NCS1: variants seen among roughly 807,000 people sequenced by gnomAD.
The protein encoded by NCS1 is neuronal calcium sensor 1.
Under a neutral mutation model 28.4 loss-of-function variants are expected in NCS1, and 6 were observed. That is an observed-to-expected ratio of 0.21 (90% CI 0.12 to 0.42). The LOEUF is 0.42. Among genes scored for constraint, NCS1 ranks in the 10% least tolerant of loss-of-function variants. The probability of loss-of-function intolerance (pLI) is 1.00; values close to 1 mark genes in which losing one functional copy is unlikely to be tolerated. For synonymous variants in NCS1, 86 were observed against 99.3 expected, an observed-to-expected ratio of 0.87 and a Z score of 0.79; for missense variants, 131 against 241.4, an observed-to-expected ratio of 0.54 and a Z score of 3.03.
intron 1 of NCS1, among the ~76,000 whole-genome samples, chr9:130,190,159 C>T (rs1322418313): frequency 6.6e-6 from 1 of 151,158 alleles, no homozygotes; most frequent in African/African-American, 2.4e-5. Context: ...TCCAACTTAC[C>T]CACCTAAAAC....
intron 2 of NCS1, among the ~76,000 whole-genome samples, chr9:130,216,547 C>G (rs540564204): frequency 3.9e-5 from 6 of 152,262 alleles, no homozygotes; most frequent in African/African-American, 4.8e-5. Context: ...AAAACCCTGT[C>G]TCTACTAAAA....
At position 130,234,511 on chromosome 9, in the gene NCS1, C is replaced by T. The variant is rs1833551036; in HGVS notation, c.*1539C>T. 1 of 152,488 alleles carries T rather than the reference C, an allele frequency of 6.6e-6. No homozygotes were observed. Among genetic ancestry groups the T allele is most frequent in the Non-Finnish European group, 1.5e-5 (1 of 68,146 alleles). The allele number at this position is 152,488 out of a possible 1,614,324, so 9.4% of individuals were successfully genotyped here. ...TGCCCTCTCTGGGTCTCAGTTGCCC[C>T]ATCTGCAGAGCGAGGAGGCCCGGGC... On this transcript the variant is annotated 3_prime_UTR_variant, in exon 8 of 8. Transcript: ENST00000372398. This position sits in a 1 kb window ranked among gnomAD's most constrained non-coding sequence, Gnocchi z 6.1.
At chr9:130,223,838 A>G (rs1416337771) in intron 6 of NCS1, among the ~76,000 whole-genome samples, 2 of 152,020 alleles carry the variant, frequency 1.3e-5, no homozygotes, top group African/African-American at 4.8e-5. Flanking sequence ...CCCAAGGTTA[A>G]GAAACCCTTC....
chr9:130,235,886 C>T lies in NCS1; in HGVS notation c.*2914C>T, dbSNP rs1452436247. ...CGCCCATAGTCCCTCTGCAGAGCCT[C>T]GCACTGGGGCCAGGGCAGGCACCAG... On this transcript the variant is annotated 3_prime_UTR_variant, in exon 8 of 8. Transcript: ENST00000372398. 6.6e-6 allele frequency: 1 copy of T among 152,304 alleles called. No homozygotes were observed. The highest frequency in any genetic ancestry group is 1.5e-5 in the Non-Finnish European group (1 of 68,114). The allele number at this position is 152,304 out of a possible 1,614,324, so 9.4% of individuals were successfully genotyped here.
intron 7 of NCS1, among the ~76,000 whole-genome samples, chr9:130,229,829 T>C (rs186590126): frequency 1.3e-5 from 2 of 152,380 alleles, no homozygotes; most frequent in African/African-American, 4.8e-5. Flanking sequence ...AATGATTTAT[T>C]TGCCTCCTCA....
intron 1 of NCS1, among the ~76,000 whole-genome samples, chr9:130,196,315 C>T (rs782110053): frequency 3.3e-5 from 5 of 152,186 alleles, no homozygotes; most frequent in African/African-American, 4.8e-5. Context: ...GCAGGGATGC[C>T]TCTGTGTCCT....
rs773470903 is a variant in NCS1 at position 130,216,199 on chromosome 9, C to T, written c.90-1633C>T. Among the ~76,000 whole-genome samples, 87 of 152,298 alleles carry T rather than the reference C, an allele frequency of 5.7e-4. 1 individual carries two copies. Among genetic ancestry groups the T allele is most frequent in the Middle Eastern group, 3.4e-3 (1 of 294 alleles). ...ATCAGAGTGCCGCGCGCACCATGCG[C>T]GGTACTCCCATAACCCTCTCCGATG... On this transcript the variant is annotated intron_variant, in intron 2 of 7. Transcript: ENST00000372398.
intron 2 of NCS1, among the ~76,000 whole-genome samples, chr9:130,203,137 T>TATATATATA (rs1491343446): frequency 4.3e-4 from 14 of 32,570 alleles, no homozygotes; most frequent in African/African-American, 1.5e-3. Context: ...TATATATATA[T>TATATATATA]TTTTTTTTTT....
In NCS1 at chr9:130,185,332, A is replaced by G. The variant is rs181377512; in HGVS notation, c.64+12605A>G. Among the ~76,000 whole-genome samples the G allele has an allele frequency of 6.6e-3, 1,013 of 152,402 alleles. 7 individuals carry two copies. The highest frequency in any genetic ancestry group is 0.011 in the Non-Finnish European group (767 of 68,044). On this transcript the variant is annotated intron_variant, in intron 1 of 7. Coordinates refer to ENST00000372398, the MANE Select transcript of NCS1 (RefSeq NM_014286.4). ...TATTGTTGGAATGAATGAGAAAACA[A>G]GTACATAAACGAGCAAGCCAATGAA...
At chr9:130,172,792 G>T (rs1339800755) in intron 1 of NCS1, 65 bp downstream of exon 1, 1 of 589,514 alleles carries the variant, frequency 1.7e-6, no homozygotes, top group African/African-American at 6.7e-5. Flanking sequence ...CCCCGCCCCC[G>T]CCCCCCGGAC....
At chr9:130,188,386 G>A (rs1358837699) in intron 1 of NCS1, among the ~76,000 whole-genome samples, 1 of 151,558 alleles carries the variant, frequency 6.6e-6, no homozygotes, top group African/African-American at 2.4e-5. Flanking sequence ...AGGCTAGGTT[G>A]GGTTCCTGCT....
rs777345866 is a variant in NCS1, at chr9:130,181,937, C to T, written c.64+9210C>T. On this transcript the variant is annotated intron_variant, in intron 1 of 7. Transcript: ENST00000372398. The surrounding 1 kb of genome is among the most constrained non-coding windows in gnomAD (Gnocchi z 5.0). ...TGTAGGTGTGCCTGGGGGTGGGGGA[C>T]GCTGGGGAGGGAGGCACAGACAGGC... 8.6e-5 allele frequency among the ~76,000 whole-genome samples: 13 copies of T among 150,646 alleles called. No individual in the cohort carries two copies. Among genetic ancestry groups the T allele is most frequent in the African/African-American group, 1.2e-4 (5 of 40,930 alleles).
rs1351948991 is a variant in NCS1, at chr9:130,172,616, G to A, written c.-48G>A. 112 of 1,203,726 alleles carry A rather than the reference G, an allele frequency of 9.3e-5. No individual in the cohort carries two copies. Among genetic ancestry groups the A allele is most frequent in the Non-Finnish European group, 1.2e-4 (110 of 923,894 alleles). The allele number at this position is 1,203,726 out of a possible 1,614,324, so 74.6% of individuals were successfully genotyped here. ...CCCGGCCCAGCCGCTCCTGCTGGGC[G>A]CCCCAACCGGGTCCGGCCCGGGGGG... is the stretch of plus-strand genomic sequence containing the variant. On this transcript the variant is annotated 5_prime_UTR_variant, in exon 1 of 8. Transcript: ENST00000372398.
intron 1 of NCS1, among the ~76,000 whole-genome samples, chr9:130,200,049 G>T (rs1564707332): frequency 1.3e-5 from 2 of 152,174 alleles, no homozygotes; most frequent in Admixed American, 6.5e-5. Context: ...ACATCCCCAG[G>T]GATCCAGTAG....
intron 1 of NCS1, among the ~76,000 whole-genome samples, chr9:130,179,028 G>C (rs759558294): frequency 6.8e-6 from 1 of 148,090 alleles, no homozygotes; most frequent in African/African-American, 2.5e-5. Flanking sequence ...TCCACCTCCC[G>C]GGTTCAAGCA....
At chr9:130,184,942 C>T (rs551949878) in intron 1 of NCS1, among the ~76,000 whole-genome samples, 50 of 151,214 alleles carry the variant, frequency 3.3e-4, no homozygotes, top group South Asian at 1.7e-3. Flanking sequence ...CCAGCCTGGG[C>T]GACAGAATAA....
chr9:130,217,448 G>T (rs370657615), intron 2 of NCS1, among the ~76,000 whole-genome samples: 13 of 152,258 alleles, frequency 8.5e-5, no homozygotes, highest in Non-Finnish European at 1.3e-4. Flanking sequence ...CAGAGAAGGT[G>T]GGGAGGTGGG....
intron 6 of NCS1, among the ~76,000 whole-genome samples, chr9:130,225,447 C>T (rs574294147): frequency 1.3e-5 from 2 of 152,364 alleles, no homozygotes; most frequent in South Asian, 2.1e-4. Flanking sequence ...TCGTGGTGTG[C>T]GTCCACGTGG....
chr9:130,223,210 G>A, intron 6 of NCS1, 51 bp downstream of exon 6: 1 of 1,561,502 alleles, frequency 6.4e-7, no homozygotes, highest in Non-Finnish European at 8.8e-7. Flanking sequence ...AAGGTGTCGG[G>A]GGCAGGAATT....
Sources: allele counts gnomAD v4.1 joint callset (sites outside exome capture counted in the v4.1 genomes callset), GRCh38; gene constraint gnomAD v4.1.1; non-coding constraint Gnocchi (gnomAD v3.1); transcripts MANE v1.5; gene names NCBI Gene and HGNC (gene_info 2026-07-23, HGNC 2026-07-21).